OPTN: variants seen among roughly 807,000 people sequenced by gnomAD.
The protein encoded by OPTN is optineurin.
Under a neutral mutation model 70.4 loss-of-function variants are expected in OPTN, and 54 were observed. The observed-to-expected ratio is 0.77, with a 90% CI of 0.62 to 0.96. The LOEUF is 0.96. Among genes scored for constraint, OPTN ranks in the 40% least tolerant of loss-of-function variants. The probability of loss-of-function intolerance (pLI) is 0.00; values close to 1 mark genes in which losing one functional copy is unlikely to be tolerated. For synonymous variants in OPTN, 256 were observed against 248.5 expected, an observed-to-expected ratio of 1.03 and a Z score of -0.28; for missense variants, 624 against 673.2, an observed-to-expected ratio of 0.93 and a Z score of 0.81.
chr10:13,100,120 G>A, upstream of OPTN: 1 of 152,694 alleles, frequency 6.5e-6, no homozygotes, highest in Non-Finnish European at 1.5e-5. Flanking sequence ...GCTGAGCCGC[G>A]CTGGGCGGGG....
intron 11 of OPTN, 24 bp downstream of exon 11, chr10:13,126,063 C>A: frequency 7.3e-7 from 1 of 1,366,390 alleles, no homozygotes; most frequent in Non-Finnish European, 1.0e-6. Context: ...AAAATTACTT[C>A]CATAGCCTAG....
chr10:13,116,943 A>G (rs1833222539), intron 6 of OPTN, among the ~76,000 whole-genome samples: 1 of 152,190 alleles, frequency 6.6e-6, no homozygotes, highest in East Asian at 1.9e-4. Context: ...AGGCAGACCT[A>G]GAACTGAGCG....
intron 12 of OPTN, among the ~76,000 whole-genome samples, chr10:13,130,120 T>G (rs1031278786): frequency 2.0e-5 from 3 of 152,134 alleles, no homozygotes; most frequent in Non-Finnish European, 4.4e-5. Context: ...ACTTCTTTTT[T>G]GAGCACTTAT....
intron 1 of OPTN, among the ~76,000 whole-genome samples, chr10:13,105,602 G>C (rs1327226055): frequency 6.6e-6 from 1 of 152,116 alleles, no homozygotes; most frequent in African/African-American, 2.4e-5. Context: ...TGTAGGCTTG[G>C]TGGAGGCATA....
At chr10:13,127,140 CTT>C (rs779762706) in intron 11 of OPTN, among the ~76,000 whole-genome samples, 29 of 152,252 alleles carry the variant, frequency 1.9e-4, no homozygotes, top group African/African-American at 3.6e-4. Context: ...TAAATATACT[CTT>C]TGTTTTTCAT....
At chr10:13,114,963 TTATATATATTTATATATAGATATATC>T (rs1833118807) in intron 5 of OPTN, among the ~76,000 whole-genome samples, 2 of 70,702 alleles carry the variant, frequency 2.8e-5, no homozygotes, top group African/African-American at 1.4e-4. Flanking sequence ...ATATCTATAT[TTATATATATTTATATATAGATATATC>T]TATATTTATA....
intron 4 of OPTN, among the ~76,000 whole-genome samples, chr10:13,111,993 G>A (rs11258195): frequency 0.23 from 34,484 of 150,668 alleles, 4,446 homozygotes; most frequent in East Asian, 0.34. Context: ...GACTACAGGC[G>A]CCCGCCACCA....
chr10:13,132,316 C>G, intron 13 of OPTN, 119 bp downstream of exon 13: 2 of 1,042,880 alleles, frequency 1.9e-6, no homozygotes, highest in South Asian at 1.4e-5. Flanking sequence ...CCACTGCACT[C>G]CTGCCTAGGT....
At position 13,133,967 on chromosome 10, in the gene OPTN, C is replaced by A. The variant is rs547615059; in HGVS notation, c.1612+386C>A. Reference sequence around the variant, plus strand: ...GGAATTACAGGCGTGCACCGCCACACCCAGCTAATTTTTGTATTTTTAATA... The same window carrying A: ...GGAATTACAGGCGTGCACCGCCACAACCAGCTAATTTTTGTATTTTTAATA... On this transcript the variant is annotated intron_variant, in intron 14 of 14. Coordinates refer to ENST00000378747, the MANE Select transcript of OPTN (RefSeq NM_001008212.2). Among the ~76,000 whole-genome samples the A allele has an allele frequency of 5.9e-5, 9 of 152,308 alleles. No individual in the cohort carries two copies. The South Asian group carries it at 1.4e-3, about 25-fold the overall frequency.
intron 14 of OPTN, among the ~76,000 whole-genome samples, chr10:13,133,877 C>T (rs1564369599): frequency 6.6e-6 from 1 of 151,712 alleles, no homozygotes; most frequent in Non-Finnish European, 1.5e-5. Context: ...GGCGAGATCT[C>T]GGCTCACTGC....
At chr10:13,130,801 T>C (rs1275633136) in intron 12 of OPTN, among the ~76,000 whole-genome samples, 2 of 152,184 alleles carry the variant, frequency 1.3e-5, no homozygotes, top group Non-Finnish European at 2.9e-5. Flanking sequence ...AAAATTAGTA[T>C]TAAATTCCAA....
chr10:13,117,176 G>T (rs1459734395), intron 6 of OPTN, among the ~76,000 whole-genome samples: 1 of 146,552 alleles, frequency 6.8e-6, no homozygotes, highest in Non-Finnish European at 1.5e-5. Flanking sequence ...CGCCTCCCGG[G>T]TTCACGCCAT....
intron 1 of OPTN, among the ~76,000 whole-genome samples, 190 bp from the exon 2 acceptor site, chr10:13,107,948 C>G (rs1301875977): frequency 6.6e-6 from 1 of 152,194 alleles, no homozygotes; most frequent in Non-Finnish European, 1.5e-5. Flanking sequence ...AACACAGAAG[C>G]AGAGTGGGGA....
At chr10:13,129,848 C>T (rs1833555735) in intron 12 of OPTN, among the ~76,000 whole-genome samples, 1 of 152,194 alleles carries the variant, frequency 6.6e-6, no homozygotes, top group African/African-American at 2.4e-5. Flanking sequence ...TTGTTATTCC[C>T]TACATACAGA....
At chr10:13,128,237 C>T (rs1173394273) in intron 12 of OPTN, among the ~76,000 whole-genome samples, 1 of 152,152 alleles carries the variant, frequency 6.6e-6, no homozygotes, top group African/African-American at 2.4e-5. Context: ...ATAGGCTCTG[C>T]ATGTTACTCA....
At chr10:13,110,552 A>T in intron 4 of OPTN, 76 bp downstream of exon 4, 4 of 1,383,632 alleles carry the variant, frequency 2.9e-6, no homozygotes, top group Admixed American at 3.7e-5. Context: ...ACGTGTCTAG[A>T]CTCCTAGATC....
intron 1 of OPTN, among the ~76,000 whole-genome samples, chr10:13,103,654 A>T (rs975739713): frequency 2.0e-5 from 3 of 152,200 alleles, no homozygotes; most frequent in Admixed American, 2.0e-4. Flanking sequence ...AGGCCAACTC[A>T]GCAATCAGAT....
intron 12 of OPTN, among the ~76,000 whole-genome samples, chr10:13,128,616 C>T (rs1833525359): frequency 7.2e-6 from 1 of 139,838 alleles, no homozygotes; most frequent in East Asian, 2.3e-4. Flanking sequence ...GATCTCGGCT[C>T]ATTGCAACCT....
At chr10:13,111,844 G>GTTTTTTT (rs34942122) in intron 4 of OPTN, among the ~76,000 whole-genome samples, 11 of 87,728 alleles carry the variant, frequency 1.3e-4, no homozygotes, top group South Asian at 4.3e-4. Flanking sequence ...TTTTTTGACT[G>GTTTTTTT]TTTTTTTTTT....
Sources: gnomAD v4.1 joint callset for allele counts (sites outside exome capture counted in the v4.1 genomes callset) on GRCh38, gnomAD v4.1.1 for gene constraint, MANE v1.5 for transcripts, NCBI Gene and HGNC (gene_info 2026-07-23, HGNC 2026-07-21) for gene names.